The following CNTNAP2 variants were observed in gnomAD, a reference collection of about 807,000 sequenced individuals.
CNTNAP2 encodes the protein contactin-associated protein-like 2.
CNTNAP2 carries 98 observed loss-of-function variants against 155.2 expected under a neutral mutation model. The observed-to-expected ratio is 0.63, with a 90% CI of 0.54 to 0.75. The LOEUF is 0.75. CNTNAP2 is among the 30% of genes least tolerant of loss of function. CNTNAP2 has a pLI of 0.00. For missense variants in CNTNAP2, 1,727 were observed against 1,688.1 expected, an observed-to-expected ratio of 1.02 and a Z score of -0.40; for synonymous variants, 651 against 631.2, an observed-to-expected ratio of 1.03 and a Z score of -0.47.
rs185661737 is a variant in CNTNAP2 at position 147,766,654 on chromosome 7, A to G, written c.2098+127348A>G. Among the ~76,000 whole-genome samples, 6 of 152,102 alleles carry G rather than the reference A, an allele frequency of 3.9e-5. No homozygotes were observed. The South Asian group carries it at 1.2e-3, about 31-fold the overall frequency. On this transcript the variant is annotated intron_variant, in intron 13 of 23. Coordinates refer to ENST00000361727, the MANE Select transcript of CNTNAP2 (RefSeq NM_014141.6). ...TAATCCTGAACTTTTCAAGTACTTG[A>G]AGCAATAAATTCTATTTTTGCTTAA...
At chr7:146,688,906 A>G (rs1800649434) in intron 1 of CNTNAP2, among the ~76,000 whole-genome samples, 2 of 152,178 alleles carry the variant, frequency 1.3e-5, no homozygotes, top group African/African-American at 4.8e-5. Context: ...CATGTAAAAA[A>G]TGTCTGGTAA....
intron 3 of CNTNAP2, among the ~76,000 whole-genome samples, chr7:146,952,947 T>A (rs1232119750): frequency 6.6e-6 from 1 of 152,078 alleles, no homozygotes; most frequent in Non-Finnish European, 1.5e-5. Context: ...TGCAAGCACA[T>A]GTTTATTGTA....
intron 4 of CNTNAP2, among the ~76,000 whole-genome samples, chr7:147,067,308 A>C (rs1159729280): frequency 6.6e-6 from 1 of 151,506 alleles, no homozygotes; most frequent in East Asian, 1.9e-4. Context: ...AAAAAAAAAA[A>C]AAAAAGGACT....
chr7:147,926,802 C>T (rs1056989057), intron 14 of CNTNAP2, among the ~76,000 whole-genome samples: 1 of 151,726 alleles, frequency 6.6e-6, no homozygotes, highest in Non-Finnish European at 1.5e-5. Context: ...TTAAACACTT[C>T]TTCATGTGAA....
chr7:147,494,486 A>AAAAG (rs1798663038), intron 11 of CNTNAP2, among the ~76,000 whole-genome samples: 2 of 149,490 alleles, frequency 1.3e-5, no homozygotes, highest in South Asian at 4.2e-4. Flanking sequence ...AAAAAAAAAA[A>AAAAG]GTTGATCTGC....
chr7:148,240,800 G>C (rs1440723038), intron 20 of CNTNAP2, among the ~76,000 whole-genome samples: 1 of 151,854 alleles, frequency 6.6e-6, no homozygotes, highest in Non-Finnish European at 1.5e-5. Context: ...GAAGGTCCAA[G>C]AGTACCAAAG....
Position 146,691,307 on chromosome 7 carries a change from A to G in CNTNAP2, c.98-82964A>G, listed in dbSNP as rs1426813918. On this transcript the variant is annotated intron_variant, in intron 1 of 23. Coordinates refer to ENST00000361727, the MANE Select transcript of CNTNAP2 (RefSeq NM_014141.6). Reference sequence around the variant, plus strand: ...CTCCTCGATTTACAATGGAGTCACAACTCAATAAACCCATTGTATGTTGAA... The same window carrying G: ...CTCCTCGATTTACAATGGAGTCACAGCTCAATAAACCCATTGTATGTTGAA... 2.0e-5 allele frequency among the ~76,000 whole-genome samples: 3 copies of G among 151,744 alleles called. No individual in the cohort carries two copies. The East Asian group carries it at 5.8e-4, about 29-fold the overall frequency.
intron 8 of CNTNAP2, among the ~76,000 whole-genome samples, chr7:147,261,554 T>TAA (rs1229999759): frequency 6.9e-5 from 10 of 145,406 alleles, no homozygotes; most frequent in African/African-American, 2.5e-4. Flanking sequence ...AAGGGATACT[T>TAA]TAAAAAAAAA....
rs145595391 is a variant in CNTNAP2, at chr7:146,729,579, ATATT to A, written c.98-44686_98-44683del. ...AGTAATTTTAAATATATGTATATAT[ATATT>A]TATTTGTATTTCTACCAGATGTGTG... On this transcript the variant is annotated intron_variant, in intron 1 of 23. Coordinates refer to ENST00000361727, the MANE Select transcript of CNTNAP2 (RefSeq NM_014141.6). Among the ~76,000 whole-genome samples the A allele has an allele frequency of 8.2e-3, 1,251 of 152,026 alleles. 20 individuals are homozygous for A. Among genetic ancestry groups the A allele is most frequent in the African/African-American group, 0.028 (1,174 of 41,498 alleles).
chr7:146,585,717 A>G (rs1798678788), intron 1 of CNTNAP2, among the ~76,000 whole-genome samples: 1 of 151,076 alleles, frequency 6.6e-6, no homozygotes, highest in Non-Finnish European at 1.5e-5. Flanking sequence ...GAAGGAAGGA[A>G]GGAAAGAAAG....
chr7:147,910,720 C>T (rs1448788094), intron 14 of CNTNAP2, among the ~76,000 whole-genome samples: 1 of 152,116 alleles, frequency 6.6e-6, no homozygotes, highest in Non-Finnish European at 1.5e-5. Flanking sequence ...ATTTATAAAA[C>T]CATCAGATCT....
At chr7:146,572,602 T>C (rs1008048743) in intron 1 of CNTNAP2, among the ~76,000 whole-genome samples, 2 of 152,148 alleles carry the variant, frequency 1.3e-5, no homozygotes, top group East Asian at 3.9e-4. Flanking sequence ...AAGGAGGACA[T>C]GAACATATTC....
At position 148,007,223 on chromosome 7, in the gene CNTNAP2, C is replaced by T. The variant is rs552682280; in HGVS notation, c.2383+29234C>T. 3.4e-4 allele frequency among the ~76,000 whole-genome samples: 52 copies of T among 152,230 alleles called. 1 individual carries two copies. The South Asian group carries it at 8.7e-3, about 25-fold the overall frequency. On this transcript the variant is annotated intron_variant, in intron 15 of 23. Transcript: ENST00000361727. ...ACATATTTCAGAAGACATCTACATGCTATCAACAAAACAGAGCAAATTCAG... is the reference window on the plus strand; with the variant it reads ...ACATATTTCAGAAGACATCTACATGTTATCAACAAAACAGAGCAAATTCAG...
intron 1 of CNTNAP2, among the ~76,000 whole-genome samples, chr7:146,145,066 G>A (rs1386455293): frequency 6.6e-6 from 1 of 152,124 alleles, no homozygotes; most frequent in Non-Finnish European, 1.5e-5. Flanking sequence ...ACAACAGAAA[G>A]CCCCCAGACA....
At chr7:146,280,707 T>G (rs1184318278) in intron 1 of CNTNAP2, among the ~76,000 whole-genome samples, 3 of 152,212 alleles carry the variant, frequency 2.0e-5, no homozygotes, top group African/African-American at 7.2e-5. Flanking sequence ...CTTACTTTTC[T>G]GGAATATGGT....
intron 1 of CNTNAP2, among the ~76,000 whole-genome samples, chr7:146,693,387 A>G (rs554106092): frequency 3.9e-5 from 6 of 152,172 alleles, no homozygotes; most frequent in African/African-American, 1.2e-4. Flanking sequence ...TCAAAATTTT[A>G]TAACTCCATT....
At chr7:147,381,497 A>T (rs1404710) in intron 9 of CNTNAP2, among the ~76,000 whole-genome samples, 24,924 of 152,180 alleles carry the variant, frequency 0.16, 2,190 homozygotes, top group Middle Eastern at 0.18. Flanking sequence ...TATCTGATGT[A>T]AAAATTATTT....
At position 148,420,379 on chromosome 7, in the gene CNTNAP2, C is replaced by T. The variant is rs1055096830; in HGVS notation, c.*4763C>T. The T allele has an allele frequency of 6.6e-6, 1 of 152,216 alleles. No homozygotes were observed. The highest frequency in any genetic ancestry group is 6.5e-5 in the Admixed American group (1 of 15,282). 9.4% of individuals were successfully genotyped at this position (152,216 alleles called of 1,614,324 possible). A position where few individuals can be genotyped will look rare whatever the true frequency, so the allele number is the denominator to read the frequency against. On this transcript the variant is annotated 3_prime_UTR_variant, in exon 24 of 24. Coordinates refer to ENST00000361727, the MANE Select transcript of CNTNAP2 (RefSeq NM_014141.6). ...CAAACTTTAAAGTACATTTCTTTCACAGCAGTATTTTTTTTCATAAGTGGC... is the reference window on the plus strand; with the variant it reads ...CAAACTTTAAAGTACATTTCTTTCATAGCAGTATTTTTTTTCATAAGTGGC...
At chr7:148,054,327 C>T (rs1268649463) in intron 15 of CNTNAP2, among the ~76,000 whole-genome samples, 1 of 151,928 alleles carries the variant, frequency 6.6e-6, no homozygotes, top group African/African-American at 2.4e-5. Context: ...GCAGAGCTTC[C>T]TCGTCTGTAA....
Sources: gnomAD v4.1 joint callset for allele counts (sites outside exome capture counted in the v4.1 genomes callset) on GRCh38, gnomAD v4.1.1 for gene constraint, MANE v1.5 for transcripts, NCBI Gene and HGNC (gene_info 2026-07-23, HGNC 2026-07-21) for gene names.